POT1: variants seen among roughly 807,000 people sequenced by gnomAD.
The protein encoded by POT1 is protection of telomeres 1, also known as protection of telomeres protein 1.
POT1 carries 47 observed loss-of-function variants against 78.5 expected under a neutral mutation model. That is an observed-to-expected ratio of 0.60 (90% confidence interval 0.47 to 0.76). POT1 has a LOEUF of 0.76. POT1 is among the 30% of genes least tolerant of loss of function. The pLI, the probability that POT1 is intolerant of heterozygous loss-of-function variation, is 0.00. For missense variants in POT1, 646 were observed against 749.9 expected (o/e 0.86, Z 1.62); for synonymous variants, 259 against 260.7 (o/e 0.99, Z 0.06).
chr7:124,833,487 T>C (rs988580093), intron 15 of POT1, among the ~76,000 whole-genome samples: 4 of 152,202 alleles, frequency 2.6e-5, no homozygotes, highest in South Asian at 4.1e-4. Context: ...TCCAGGGTGA[T>C]TGTTTCATCA....
chr7:124,863,673 C>G, intron 7 of POT1, 33 bp from the exon 8 acceptor site: 1 of 1,498,588 alleles, frequency 6.7e-7, no homozygotes. Context: ...AAAACAGATA[C>G]AAATAAAATA....
At chr7:124,836,856 A>G (rs993342393) in intron 14 of POT1, among the ~76,000 whole-genome samples, 6 of 152,370 alleles carry the variant, frequency 3.9e-5, no homozygotes, top group South Asian at 4.1e-4. Flanking sequence ...TGTAAAGTCC[A>G]TGAAAGGAAG....
At chr7:124,921,694 C>G (rs1250187482) in intron 2 of POT1, among the ~76,000 whole-genome samples, 1 of 151,728 alleles carries the variant, frequency 6.6e-6, no homozygotes. Flanking sequence ...AAAGAGAGAG[C>G]AACAGAAATT....
chr7:124,866,426 C>T (rs1196989673), intron 7 of POT1, among the ~76,000 whole-genome samples: 1 of 81,066 alleles, frequency 1.2e-5, no homozygotes, highest in Non-Finnish European at 2.7e-5. Flanking sequence ...CCTCCAGTAT[C>T]CATTTCATGT....
intron 7 of POT1, among the ~76,000 whole-genome samples, chr7:124,866,729 T>G (rs1389665208): frequency 6.6e-6 from 1 of 152,178 alleles, no homozygotes; most frequent in Non-Finnish European, 1.5e-5. Flanking sequence ...TGGGGCTCAC[T>G]TTATAAGTTT....
intron 5 of POT1, among the ~76,000 whole-genome samples, chr7:124,893,752 C>G (rs1218160754): frequency 6.6e-6 from 1 of 151,522 alleles, no homozygotes; most frequent in Non-Finnish European, 1.5e-5. Flanking sequence ...CAAACTTCCC[C>G]TTTCATCCAA....
At position 124,870,901 on chromosome 7, in the gene POT1, T is replaced by A; in HGVS notation, c.255+10A>T. The stretch of plus-strand genomic sequence containing the variant: ...AAATAAATATAAGTTCTAGACAATA[T>A]GAATTATACCTTCAGCCTGTGAAAG... On this transcript the variant is annotated intron_variant, in intron 7 of 18. Coordinates refer to ENST00000357628, the MANE Select transcript of POT1 (RefSeq NM_015450.3). 1 of 1,595,838 alleles carries A rather than the reference T, an allele frequency of 6.3e-7. No individual in the cohort carries two copies. Among genetic ancestry groups the A allele is most frequent in the Non-Finnish European group, 8.5e-7 (1 of 1,171,290 alleles).
At chr7:124,918,757 A>G (rs1055412000) in intron 2 of POT1, among the ~76,000 whole-genome samples, 2 of 152,100 alleles carry the variant, frequency 1.3e-5, no homozygotes, top group Non-Finnish European at 2.9e-5. Context: ...TTAAATTCCA[A>G]ATGACGTATT....
At chr7:124,852,823 T>A (rs1022031674) in intron 10 of POT1, 149 bp downstream of exon 10, 1 of 667,864 alleles carries the variant, frequency 1.5e-6, no homozygotes, top group South Asian at 2.2e-5. Flanking sequence ...CCTATAATCA[T>A]TTGATTTGTT....
intron 3 of POT1, among the ~76,000 whole-genome samples, chr7:124,909,820 A>C (rs938465202): frequency 1.3e-5 from 2 of 151,922 alleles, no homozygotes; most frequent in African/African-American, 2.4e-5. Context: ...AATTCATAGC[A>C]TAACCCTTTT....
intron 16 of POT1, among the ~76,000 whole-genome samples, chr7:124,828,139 A>G (rs1025557085): frequency 2.0e-5 from 3 of 152,208 alleles, no homozygotes; most frequent in Admixed American, 2.0e-4. Context: ...TTTATGAAAG[A>G]TAAAATTAAA....
Position 124,851,927 on chromosome 7 carries a change from T to C in POT1, c.894A>G (p.Thr298=). 1 of 1,610,908 alleles carries C rather than the reference T, an allele frequency of 6.2e-7. No individual in the cohort carries two copies. The highest frequency in any genetic ancestry group is 1.7e-5 in the Admixed American group (1 of 59,978). The stretch of plus-strand genomic sequence containing the variant: ...AGATAACATCTGAATGCTGATTGGC[T>C]GTCAAATTTGCAGATTCTAAATCCC... ...LKKDLESANL[T]ANQHSDVICQ... Residue 298 remains threonine (T), a synonymous_variant, in exon 11 of 19, where the codon ACA becomes ACG. Coordinates refer to ENST00000357628, the MANE Select transcript of POT1 (RefSeq NM_015450.3).
chr7:124,825,198 T>C, intron 18 of POT1, 54 bp downstream of exon 18: 2 of 1,174,866 alleles, frequency 1.7e-6, no homozygotes, highest in Non-Finnish European at 1.3e-6. Flanking sequence ...TACATATATG[T>C]TAGTGCTATC....
chr7:124,833,440 A>G (rs1300367315), intron 15 of POT1, among the ~76,000 whole-genome samples: 2 of 152,246 alleles, frequency 1.3e-5, no homozygotes, highest in African/African-American at 2.4e-5. Context: ...ATGATAAAAC[A>G]TATGTTATAA....
At chr7:124,845,448 G>A (rs756602121) in intron 12 of POT1, among the ~76,000 whole-genome samples, 6 of 152,148 alleles carry the variant, frequency 3.9e-5, no homozygotes, top group Admixed American at 6.5e-5. Flanking sequence ...GGAATAATGC[G>A]TAAGTGATAC....
At chr7:124,858,189 C>T (rs1795493545) in intron 9 of POT1, among the ~76,000 whole-genome samples, 2 of 152,196 alleles carry the variant, frequency 1.3e-5, no homozygotes, top group East Asian at 1.9e-4. Flanking sequence ...ACTGATTTAA[C>T]CTGAGTGCCT....
intron 11 of POT1, among the ~76,000 whole-genome samples, chr7:124,849,093 C>T (rs916798494): frequency 4.6e-5 from 7 of 152,116 alleles, no homozygotes; most frequent in Non-Finnish European, 8.8e-5. Context: ...GCATCATACA[C>T]AAACATATCC....
At chr7:124,919,540 C>T (rs969404974) in intron 2 of POT1, among the ~76,000 whole-genome samples, 3 of 152,076 alleles carry the variant, frequency 2.0e-5, no homozygotes, top group Admixed American at 2.0e-4. Flanking sequence ...TTAGAATGTG[C>T]CTCTTTTGTG....
intron 3 of POT1, among the ~76,000 whole-genome samples, chr7:124,905,965 A>G (rs1472878078): frequency 6.6e-6 from 1 of 152,146 alleles, no homozygotes; most frequent in Non-Finnish European, 1.5e-5. Flanking sequence ...TTAGAATGGC[A>G]ATCATTAAAA....
Sources: gnomAD v4.1 joint callset for allele counts (sites outside exome capture counted in the v4.1 genomes callset) on GRCh38, gnomAD v4.1.1 for gene constraint, MANE v1.5 for transcripts, NCBI Gene and HGNC (gene_info 2026-07-23, HGNC 2026-07-21) for gene names.